The following CDH10 variants were observed in gnomAD, a reference collection of about 807,000 sequenced individuals.
CDH10 encodes the protein cadherin-10.
A neutral mutation model predicts 73.1 loss-of-function variants in CDH10; 30 were observed. That is an observed-to-expected ratio of 0.41 (90% confidence interval 0.31 to 0.56). The LOEUF (loss-of-function observed/expected upper bound fraction) is 0.56, where lower values mean the gene tolerates loss of function less well. Ranked by LOEUF, CDH10 falls within the 20% of genes least tolerant of loss-of-function variation. The probability of loss-of-function intolerance (pLI) is 0.27; values close to 1 mark genes in which losing one functional copy is unlikely to be tolerated. For synonymous variants in CDH10, 345 were observed against 348.2 expected (o/e 0.99, Z 0.10); for missense variants, 815 against 973.7 (o/e 0.84, Z 2.17).
At chr5:24,640,599 G>A (rs981838823) in intron 1 of CDH10, among the ~76,000 whole-genome samples, 3 of 150,970 alleles carry the variant, frequency 2.0e-5, no homozygotes, top group Non-Finnish European at 4.4e-5. Context: ...TAATGTTTCT[G>A]ACAAACTCTC....
At chr5:24,572,588 T>C (rs75894973) in intron 2 of CDH10, among the ~76,000 whole-genome samples, 4,335 of 152,038 alleles carry the variant, frequency 0.029, 154 homozygotes, top group East Asian at 0.082. Context: ...AAAGGTTATA[T>C]TGGCTGATGG....
chr5:24,548,936 G>A (rs976435034), intron 2 of CDH10, among the ~76,000 whole-genome samples: 3 of 151,982 alleles, frequency 2.0e-5, no homozygotes, highest in African/African-American at 7.3e-5. Context: ...TATATTTAAT[G>A]TATTTAAGAA....
chr5:24,619,500 G>A (rs1747239195), intron 1 of CDH10, among the ~76,000 whole-genome samples: 1 of 152,076 alleles, frequency 6.6e-6, no homozygotes, highest in Non-Finnish European at 1.5e-5. Context: ...GCCTGATTTA[G>A]ATGATATTTA....
chr5:24,593,572 G>C lies in CDH10; in HGVS notation c.-82C>G. On this transcript the variant is annotated 5_prime_UTR_variant, in exon 2 of 12. Coordinates refer to ENST00000264463, the MANE Select transcript of CDH10 (RefSeq NM_006727.5). ...AGTTGGTTTTACTGTGTTTCAACTG[G>C]TTTCCAACATTTCATCAATGTTTTG... 2.9e-6 allele frequency: 2 copies of C among 689,268 alleles called. No homozygotes were observed. Among genetic ancestry groups the C allele is most frequent in the Non-Finnish European group, 2.5e-6 (1 of 398,808 alleles). The allele number at this position is 689,268 out of a possible 1,614,324, so 42.7% of individuals were successfully genotyped here. A position where few individuals can be genotyped will look rare whatever the true frequency, so the allele number is the denominator to read the frequency against.
intron 1 of CDH10, among the ~76,000 whole-genome samples, chr5:24,641,408 G>C (rs1339279750): frequency 1.3e-5 from 2 of 151,980 alleles, no homozygotes; most frequent in Non-Finnish European, 2.9e-5. Context: ...TTATATGAAT[G>C]CTCCGTGAAT....
chr5:24,576,425 C>A (rs1042111664), intron 2 of CDH10, among the ~76,000 whole-genome samples: 4 of 152,074 alleles, frequency 2.6e-5, no homozygotes, highest in Admixed American at 2.0e-4. Flanking sequence ...TCTTCACCAT[C>A]TTTTTATTTG....
At chr5:24,615,043 A>G (rs546060501) in intron 1 of CDH10, among the ~76,000 whole-genome samples, 1 of 152,068 alleles carries the variant, frequency 6.6e-6, no homozygotes, top group East Asian at 1.9e-4. Flanking sequence ...GTAGACATCC[A>G]CTCTCAACTA....
intron 8 of CDH10, among the ~76,000 whole-genome samples, chr5:24,504,557 G>A (rs1161350160): frequency 1.4e-4 from 14 of 102,416 alleles, no homozygotes; most frequent in East Asian, 3.4e-4. Context: ...ATGGAATCTC[G>A]CTCTGTCGCC....
At chr5:24,594,847 G>A (rs1746318032) in intron 1 of CDH10, among the ~76,000 whole-genome samples, 1 of 151,582 alleles carries the variant, frequency 6.6e-6, no homozygotes, top group African/African-American at 2.4e-5. Flanking sequence ...ATCCCATGTA[G>A]GAAGATAATT....
intron 1 of CDH10, among the ~76,000 whole-genome samples, chr5:24,602,783 G>A (rs1746613612): frequency 6.6e-6 from 1 of 152,042 alleles, no homozygotes; most frequent in African/African-American, 2.4e-5. Flanking sequence ...AAGAAGATGG[G>A]AAAGAGATTA....
chr5:24,505,700 G>A (rs1742673572), intron 7 of CDH10, among the ~76,000 whole-genome samples: 1 of 152,162 alleles, frequency 6.6e-6, no homozygotes, highest in Non-Finnish European at 1.5e-5. Context: ...CAAAGTAATA[G>A]ACTATCAACT....
At position 24,498,529 on chromosome 5, in the gene CDH10, G is replaced by A. The variant is rs368343446; in HGVS notation, c.1394-10C>T. On this transcript the variant is annotated splice_polypyrimidine_tract_variant and intron_variant, in intron 8 of 11. Coordinates refer to ENST00000264463, the MANE Select transcript of CDH10 (RefSeq NM_006727.5). ...GTCTCTTTGGGATTGTCTGGAAAAG[G>A]GGAAGAAAAATATTGTTTAGGAAGA... is the stretch of plus-strand genomic sequence containing the variant. 41 of 1,591,200 alleles carry A rather than the reference G, an allele frequency of 2.6e-5. No homozygotes were observed. Among genetic ancestry groups the A allele is most frequent in the African/African-American group, 4.0e-5 (3 of 74,128 alleles).
chr5:24,511,380 A>G lies in CDH10; in HGVS notation c.949T>C (p.Phe317Leu), dbSNP rs201956238. ...RIIDGDGTDMFDIVTEKDTQE... is the reference protein window; with the variant it reads ...RIIDGDGTDMLDIVTEKDTQE... ...GTGTCCTTCTCAGTCACGATGTCAA[A>G]CATATCAGTACCGTCACCATCAATA... The change falls in exon 6 of 12, where the codon TTT becomes CTT. Residue 317 changes from phenylalanine (F) to leucine (L), a missense_variant. Coordinates refer to ENST00000264463, the MANE Select transcript of CDH10 (RefSeq NM_006727.5). 9 of 1,612,682 alleles carry G rather than the reference A, an allele frequency of 5.6e-6. No individual in the cohort carries two copies. The Admixed American group carries it at 8.3e-5, about 15-fold the overall frequency.
At chr5:24,584,888 C>T (rs1745940064) in intron 2 of CDH10, among the ~76,000 whole-genome samples, 1 of 151,832 alleles carries the variant, frequency 6.6e-6, no homozygotes, top group Admixed American at 6.6e-5. Context: ...ACTCTGTCAT[C>T]CAGGCTGGAG....
chr5:24,642,362 T>C (rs1017909821), intron 1 of CDH10, among the ~76,000 whole-genome samples: 3 of 152,256 alleles, frequency 2.0e-5, no homozygotes, highest in African/African-American at 7.2e-5. Context: ...GTTATTTGCT[T>C]ATATAAAAAA....
At position 24,535,280 on chromosome 5, in the gene CDH10, C is replaced by G. The variant is rs2111879408; in HGVS notation, c.647-1G>C. 1 of 1,600,646 alleles carries G rather than the reference C, an allele frequency of 6.2e-7. No individual in the cohort carries two copies. Among genetic ancestry groups the G allele is most frequent in the Non-Finnish European group, 8.5e-7 (1 of 1,176,536 alleles). On this transcript the variant is annotated splice_acceptor_variant, in intron 4 of 11. Transcript: ENST00000264463. LOFTEE classifies it high-confidence loss of function. Reference sequence around the variant, plus strand: ...TTCGGTAAAGCAGTCCTGATGATACCTTGAGAAAATATAAAAAAACTTCCA... The same window carrying G: ...TTCGGTAAAGCAGTCCTGATGATACGTTGAGAAAATATAAAAAAACTTCCA...
chr5:24,640,189 T>A (rs565498897), intron 1 of CDH10, among the ~76,000 whole-genome samples: 1 of 151,834 alleles, frequency 6.6e-6, no homozygotes, highest in South Asian at 2.1e-4. Context: ...CAATTTTTTT[T>A]AAAGCACATG....
rs573863245 is a variant in CDH10, at chr5:24,569,302, T to C, written c.231+23958A>G. Among the ~76,000 whole-genome samples, 299 of 152,264 alleles carry C rather than the reference T, an allele frequency of 2.0e-3. 1 individual carries two copies. The highest frequency in any genetic ancestry group is 0.014 in the Middle Eastern group (4 of 294). ...TGTATCATTTGAAATGATAAAAATATTCTAGATAGTAATGATGTTTGCACA... is the reference window on the plus strand; with the variant it reads ...TGTATCATTTGAAATGATAAAAATACTCTAGATAGTAATGATGTTTGCACA... On this transcript the variant is annotated intron_variant, in intron 2 of 11. Transcript: ENST00000264463.
chr5:24,628,539 T>A (rs973390156), intron 1 of CDH10, among the ~76,000 whole-genome samples: 1 of 152,104 alleles, frequency 6.6e-6, no homozygotes, highest in Non-Finnish European at 1.5e-5. Flanking sequence ...AGTATTTGGG[T>A]GTATATTAAC....
Sources: gnomAD v4.1 joint callset for allele counts (sites outside exome capture counted in the v4.1 genomes callset) on GRCh38, gnomAD v4.1.1 for gene constraint, MANE v1.5 for transcripts, NCBI Gene and HGNC (gene_info 2026-07-23, HGNC 2026-07-21) for gene names.